The following SLC25A20 variants were observed in gnomAD, a reference collection of about 807,000 sequenced individuals.
SLC25A20 encodes mitochondrial carnitine/acylcarnitine carrier protein.
A neutral mutation model predicts 39.7 loss-of-function variants in SLC25A20; 29 were observed. The observed-to-expected ratio is 0.73, with a 90% CI of 0.54 to 1.00. The LOEUF is 1.00. Among genes scored for constraint, SLC25A20 ranks in the 50% least tolerant of loss-of-function variants. SLC25A20 has a pLI of 0.00. For missense variants in SLC25A20, 333 were observed against 379.9 expected (o/e 0.88, Z 1.03); for synonymous variants, 103 against 142.2 (o/e 0.72, Z 1.96).
chr3:48,880,880 T>C (rs116626829), intron 3 of SLC25A20, among the ~76,000 whole-genome samples: 5,503 of 152,254 alleles, frequency 0.036, 116 homozygotes, highest in African/African-American at 0.043. Context: ...CTCCTTTTCT[T>C]TCTGGGATTA....
chr3:48,857,862 A>G, intron 8 of SLC25A20, 90 bp from the exon 9 acceptor site: 4 of 1,185,532 alleles, frequency 3.4e-6, no homozygotes, highest in Non-Finnish European at 4.9e-6. Flanking sequence ...CCCTGTCAGG[A>G]CCAGAGCCCC....
chr3:48,892,038 C>T lies in SLC25A20; in HGVS notation c.140G>A (p.Gly47Glu), dbSNP rs761944287. Residue 47 changes from glycine (G) to glutamate (E), a missense_variant, in exon 2 of 9, where the codon GGA (glycine) becomes GAA (glutamate). Physicochemically the swap from Gly to Glu is moderately conservative, Grantham distance 98. Coordinates refer to ENST00000319017, the MANE Select transcript of SLC25A20 (RefSeq NM_000387.6). ...GGTCCCAGAGTACATGGGAGGTTGT[C>T]CAGGCAAACTCGGTGGCTGTGTCTG... ...RLQTQPPSLP[G>E]QPPMYSGTFD... 6.2e-6 allele frequency: 10 copies of T among 1,614,082 alleles called. No individual in the cohort carries two copies. Among genetic ancestry groups the T allele is most frequent in the Middle Eastern group, 1.6e-4 (1 of 6,062 alleles).
At chr3:48,857,903 G>A (rs2083592363) in intron 8 of SLC25A20, 131 bp from the exon 9 acceptor site, 1 of 726,346 alleles carries the variant, frequency 1.4e-6, no homozygotes, top group African/African-American at 1.8e-5. Context: ...CCACATCAAG[G>A]ATGCAAGCTC....
At chr3:48,879,059 C>T (rs748151617) in intron 4 of SLC25A20, among the ~76,000 whole-genome samples, 2 of 151,758 alleles carry the variant, frequency 1.3e-5, no homozygotes, top group Non-Finnish European at 2.9e-5. Flanking sequence ...TTAGTAGAGA[C>T]GGGGTTTCAC....
chr3:48,882,029 C>T (rs1042331428), intron 3 of SLC25A20, among the ~76,000 whole-genome samples: 5 of 152,196 alleles, frequency 3.3e-5, no homozygotes, highest in South Asian at 2.1e-4. Flanking sequence ...AACCGCATGG[C>T]GCCCTGGGCT....
chr3:48,890,226 A>G (rs919205286), intron 2 of SLC25A20, among the ~76,000 whole-genome samples: 5 of 151,792 alleles, frequency 3.3e-5, no homozygotes, highest in Non-Finnish European at 5.9e-5. Flanking sequence ...TCGCTCTGTC[A>G]CCCAGGCTGG....
At position 48,862,632 on chromosome 3, in the gene SLC25A20, A is replaced by G. The variant is rs1182892618; in HGVS notation, c.445T>C (p.Tyr149His). Residue 149 changes from tyrosine to histidine, a missense_variant, in exon 5 of 9, where the codon TAC becomes CAC. By Grantham distance (83) the Tyr-to-His change is moderately conservative. Coordinates refer to ENST00000319017, the MANE Select transcript of SLC25A20 (RefSeq NM_000387.6). ...QIQASSGESK[Y>H]TGTLDCAKKL... ...TTTGCACAGTCCAAGGTACCAGTGT[A>G]CTTGCTTTCTCCTGAAGAAGCCTGA... 1 of 1,613,844 alleles carries G rather than the reference A, an allele frequency of 6.2e-7. No homozygotes were observed. The highest frequency in any genetic ancestry group is 1.1e-5 in the South Asian group (1 of 91,080).
intron 1 of SLC25A20, among the ~76,000 whole-genome samples, chr3:48,896,872 C>T (rs1188711993): frequency 1.3e-5 from 2 of 151,878 alleles, no homozygotes; most frequent in Admixed American, 1.3e-4. Flanking sequence ...CACTCACCTT[C>T]ACTCCTGCCT....
intron 4 of SLC25A20, among the ~76,000 whole-genome samples, chr3:48,867,338 C>T (rs1034297415): frequency 6.0e-5 from 9 of 150,984 alleles, no homozygotes; most frequent in Non-Finnish European, 8.8e-5. Flanking sequence ...CTCTGCCTCC[C>T]GGATTCAAGT....
chr3:48,874,416 T>C (rs2083739779), intron 4 of SLC25A20, among the ~76,000 whole-genome samples: 1 of 150,318 alleles, frequency 6.7e-6, no homozygotes, highest in Non-Finnish European at 1.5e-5. Context: ...CATTGTGCTA[T>C]GATCACACCA....
intron 3 of SLC25A20, among the ~76,000 whole-genome samples, chr3:48,882,932 A>G (rs889384620): frequency 2.6e-5 from 4 of 151,906 alleles, no homozygotes; most frequent in African/African-American, 7.3e-5. Context: ...TTATGCCTGT[A>G]ATCCCAGCAC....
At position 48,898,715 on chromosome 3, in the gene SLC25A20, A is replaced by AGT; in HGVS notation, c.79_80insAC (p.Val27AspfsTer103). 6.2e-7 allele frequency: 1 copy of AGT among 1,607,986 alleles called. No homozygotes were observed. Among genetic ancestry groups the AGT allele is most frequent in the Non-Finnish European group, 8.5e-7 (1 of 1,177,884 alleles). On this transcript the variant is annotated frameshift_variant, in exon 1 of 9. Transcript: ENST00000319017. LOFTEE classifies it high-confidence loss of function. ...CTTGACCGTGTCCAGAGGGTGACCG[A>AGT]CGAACACCAGGCACACGCCGCCAAA...
chr3:48,888,441 G>T (rs1575991333), intron 2 of SLC25A20, among the ~76,000 whole-genome samples: 1 of 151,010 alleles, frequency 6.6e-6, no homozygotes, highest in Non-Finnish European at 1.5e-5. Context: ...ATGGTGGCAG[G>T]TGCCTGCAAT....
intron 4 of SLC25A20, among the ~76,000 whole-genome samples, chr3:48,869,924 C>T (rs1156486470): frequency 1.3e-5 from 2 of 151,884 alleles, no homozygotes; most frequent in Non-Finnish European, 2.9e-5. Context: ...TTGAGACCAG[C>T]CTGGGTAACA....
At chr3:48,881,170 C>T (rs1410341873) in intron 3 of SLC25A20, among the ~76,000 whole-genome samples, 1 of 152,104 alleles carries the variant, frequency 6.6e-6, no homozygotes, top group South Asian at 2.1e-4. Flanking sequence ...CCTGCATTCA[C>T]CCCAGGCAGG....
rs1553685512 is a variant in SLC25A20 at position 48,872,004 on chromosome 3, T to TTG, written c.417+7353_417+7354insCA. Among the ~76,000 whole-genome samples, 16 of 143,518 alleles carry TTG rather than the reference T, an allele frequency of 1.1e-4. 1 individual carries two copies. The highest frequency in any genetic ancestry group is 3.6e-4 in the African/African-American group (14 of 38,426). The allele number at this position is 143,518 out of a possible 152,430, so 94.2% of individuals were successfully genotyped here. ...CTAATTTTTTTTTTTTTTTTTTTTT[T>TTG]TTTTTTTAGAGATGGGGTTTTGCCG... On this transcript the variant is annotated intron_variant, in intron 4 of 8. Coordinates refer to ENST00000319017, the MANE Select transcript of SLC25A20 (RefSeq NM_000387.6).
At chr3:48,877,889 G>A (rs1038865803) in intron 4 of SLC25A20, among the ~76,000 whole-genome samples, 3 of 152,122 alleles carry the variant, frequency 2.0e-5, no homozygotes, top group Non-Finnish European at 2.9e-5. Context: ...CCAGGCTGAC[G>A]CGTTACACTT....
intron 3 of SLC25A20, among the ~76,000 whole-genome samples, chr3:48,880,887 A>G (rs1281906110): frequency 6.6e-6 from 1 of 152,072 alleles, no homozygotes; most frequent in African/African-American, 2.4e-5. Context: ...TCTTTCTGGG[A>G]TTAGCAATAC....
At chr3:48,884,864 A>C (rs2083819243) in intron 2 of SLC25A20, among the ~76,000 whole-genome samples, 1 of 151,292 alleles carries the variant, frequency 6.6e-6, no homozygotes, top group Non-Finnish European at 1.5e-5. Flanking sequence ...CCAAGAAATC[A>C]CATTATAACA....
Sources: gnomAD v4.1 joint callset for allele counts (sites outside exome capture counted in the v4.1 genomes callset) on GRCh38, gnomAD v4.1.1 for gene constraint, MANE v1.5 for transcripts, NCBI Gene and HGNC (gene_info 2026-07-23, HGNC 2026-07-21) for gene names.